Variants in FCHO1 observed in about 807,000 individuals in gnomAD.
The protein encoded by FCHO1 is F-BAR domain only protein 1.
In FCHO1, 45 loss-of-function variants were observed where a neutral mutation model predicts 114.4. That is an observed-to-expected ratio of 0.39 (90% confidence interval 0.31 to 0.50). FCHO1 has a LOEUF of 0.50. Ranked by LOEUF, FCHO1 falls within the 20% of genes least tolerant of loss-of-function variation. FCHO1 has a pLI of 0.77. For missense variants in FCHO1, 1,042 were observed against 1,209.6 expected, an observed-to-expected ratio of 0.86 and a Z score of 2.06; for synonymous variants, 480 against 488.9, an observed-to-expected ratio of 0.98 and a Z score of 0.24.
intron 4 of FCHO1, among the ~76,000 whole-genome samples, chr19:17,759,543 T>C (rs1231055892): frequency 1.3e-5 from 2 of 151,894 alleles, no homozygotes; most frequent in African/African-American, 2.4e-5. Context: ...TTTAAAGTTG[T>C]AATGGTGAGT....
At chr19:17,785,136 C>T (rs2093759062) in intron 26 of FCHO1, among the ~76,000 whole-genome samples, 1 of 152,148 alleles carries the variant, frequency 6.6e-6, no homozygotes, top group African/African-American at 2.4e-5. Context: ...GGGAGGATCA[C>T]TTAAGGCCAG....
intron 6 of FCHO1, among the ~76,000 whole-genome samples, chr19:17,764,901 C>T (rs1364239620): frequency 6.6e-6 from 1 of 151,704 alleles, no homozygotes; most frequent in East Asian, 1.9e-4. Flanking sequence ...CTCCTCTCTA[C>T]TAAAAATACA....
chr19:17,767,497 G>A lies in FCHO1; in HGVS notation c.336+687G>A, dbSNP rs1398511791. ...TGGGAGGATCACTTGAGCATGGGAG[G>A]TCGAGGCTGCAGTGAGCCATGATCA... On this transcript the variant is annotated intron_variant, in intron 7 of 28. Transcript: ENST00000596536. 1.4e-4 allele frequency among the ~76,000 whole-genome samples: 20 copies of A among 146,034 alleles called. No homozygotes were observed. The Admixed American group carries it at 1.4e-3, about 10-fold the overall frequency.
chr19:17,752,602 T>G (rs1457695238), intron 1 of FCHO1, among the ~76,000 whole-genome samples: 1 of 151,644 alleles, frequency 6.6e-6, no homozygotes, highest in Non-Finnish European at 1.5e-5. Flanking sequence ...ATACAAAAAT[T>G]AATACAAAAA....
At chr19:17,765,928 G>A (rs1173310365) in intron 6 of FCHO1, among the ~76,000 whole-genome samples, 7 of 115,680 alleles carry the variant, frequency 6.1e-5, no homozygotes, top group African/African-American at 1.0e-4. Flanking sequence ...TCACTCTGTC[G>A]CCCAGGCTGG....
chr19:17,779,028 A>G, intron 20 of FCHO1, 144 bp downstream of exon 20: 2 of 897,848 alleles, frequency 2.2e-6, no homozygotes, highest in East Asian at 5.6e-5. Flanking sequence ...AGGGACAACA[A>G]TGAGATGGAC....
intron 4 of FCHO1, among the ~76,000 whole-genome samples, chr19:17,760,654 C>T (rs2085754079): frequency 6.6e-6 from 1 of 152,072 alleles, no homozygotes; most frequent in Non-Finnish European, 1.5e-5. Context: ...GATTATCTTG[C>T]TGCTTGTATC....
chr19:17,766,986 T>TG (rs1210675655), intron 7 of FCHO1, among the ~76,000 whole-genome samples, 176 bp downstream of exon 7: 1 of 152,054 alleles, frequency 6.6e-6, no homozygotes, highest in Non-Finnish European at 1.5e-5. Flanking sequence ...ATTTCAAACT[T>TG]GCAAAATTCC....
chr19:17,771,358 T>TA (rs1269242537), intron 9 of FCHO1, among the ~76,000 whole-genome samples: 2,590 of 112,546 alleles, frequency 0.023, 43 homozygotes, highest in South Asian at 0.082. Context: ...CAGGTGTATA[T>TA]AAAAAAAAAA....
Position 17,775,314 on chromosome 19 carries a change from C to A in FCHO1, c.946-142C>A. 3 of 912,442 alleles carry A rather than the reference C, an allele frequency of 3.3e-6. No individual in the cohort carries two copies. The highest frequency in any genetic ancestry group is 1.4e-5 in the South Asian group (1 of 70,802). The allele number at this position is 912,442 out of a possible 1,614,324, so 56.5% of individuals were successfully genotyped here. On this transcript the variant is annotated intron_variant, in intron 14 of 28. Coordinates refer to ENST00000596536, the MANE Select transcript of FCHO1 (RefSeq NM_015122.3). The surrounding 1 kb of genome is among the most constrained non-coding windows in gnomAD (Gnocchi z 5.1). ...TGTCCCAGGAACCTGCCCACACACC[C>A]AGGGAAGACAGTCGTTGCCATCAGG...
chr19:17,782,158 T>A (rs2093481844), intron 23 of FCHO1, among the ~76,000 whole-genome samples: 1 of 151,736 alleles, frequency 6.6e-6, no homozygotes, highest in Non-Finnish European at 1.5e-5. Flanking sequence ...TACAGATGCG[T>A]GCCACTGCAC....
chr19:17,769,566 G>A (rs1034093867), intron 7 of FCHO1, among the ~76,000 whole-genome samples: 3 of 148,896 alleles, frequency 2.0e-5, no homozygotes, highest in Non-Finnish European at 4.4e-5. Flanking sequence ...GTGACACAGC[G>A]AGACTTCGTC....
At chr19:17,786,388 G>C (rs190344942) in intron 26 of FCHO1, among the ~76,000 whole-genome samples, 186 bp from the exon 27 acceptor site, 6 of 152,084 alleles carry the variant, frequency 3.9e-5, no homozygotes, top group African/African-American at 1.4e-4. Flanking sequence ...ACACACAGAA[G>C]TGTTGCAAGG....
chr19:17,768,157 C>A (rs73518390), intron 7 of FCHO1, among the ~76,000 whole-genome samples: 66,257 of 152,014 alleles, frequency 0.44, 15,367 homozygotes, highest in East Asian at 0.71. Context: ...CAATCTCCAT[C>A]TCTTGGGTTC....
At chr19:17,779,962 G>T (rs1209164395) in intron 20 of FCHO1, among the ~76,000 whole-genome samples, 2 of 151,848 alleles carry the variant, frequency 1.3e-5, no homozygotes, top group Non-Finnish European at 2.9e-5. Flanking sequence ...TGGGGGGAGA[G>T]CGGCGGGATG....
rs922786448 is a variant in FCHO1 at position 17,775,372 on chromosome 19, G to A, written c.946-84G>A. ...TTGAGGTCTGAGTCAAGGCCTGGGGGCAGGGCGGGGGGCGGTTGGCAGGGT... is the reference window on the plus strand; with the variant it reads ...TTGAGGTCTGAGTCAAGGCCTGGGGACAGGGCGGGGGGCGGTTGGCAGGGT... On this transcript the variant is annotated intron_variant, in intron 14 of 28. Coordinates refer to ENST00000596536, the MANE Select transcript of FCHO1 (RefSeq NM_015122.3). This position sits in a 1 kb window ranked among gnomAD's most constrained non-coding sequence, Gnocchi z 5.1. 1.4e-6 allele frequency: 2 copies of A among 1,387,074 alleles called. No homozygotes were observed. Among genetic ancestry groups the A allele is most frequent in the South Asian group, 1.2e-5 (1 of 86,372 alleles). The allele number at this position is 1,387,074 out of a possible 1,614,324, so 85.9% of individuals were successfully genotyped here.
In FCHO1 at chr19:17,781,455, C is replaced by G. The variant is rs768328075; in HGVS notation, c.1744C>G (p.Arg582Gly). The G allele has an allele frequency of 3.1e-6, 5 of 1,614,076 alleles. No individual in the cohort carries two copies. Among genetic ancestry groups the G allele is most frequent in the Non-Finnish European group, 3.4e-6 (4 of 1,179,976 alleles). Residue 582 changes from arginine to glycine, a missense_variant, in exon 22 of 29, where the codon CGT (arginine) becomes GGT (glycine). Coordinates refer to ENST00000596536, the MANE Select transcript of FCHO1 (RefSeq NM_015122.3). Reference sequence around the variant, plus strand: ...AGATTGTCTCTTTCCCTTCCAGTCTCGTTCCCTGAGCCCCTCCCCACTGGG... The same window carrying G: ...AGATTGTCTCTTTCCCTTCCAGTCTGGTTCCCTGAGCCCCTCCCCACTGGG... ...PLTRSNGDLSRSLSPSPLGSS... is the reference protein window; with the variant it reads ...PLTRSNGDLSGSLSPSPLGSS...
rs34490038 is a variant in FCHO1 at position 17,769,274 on chromosome 19, C to CAAAAAAAAAAA, written c.337-1141_337-1131dup. On this transcript the variant is annotated intron_variant, in intron 7 of 28. Coordinates refer to ENST00000596536, the MANE Select transcript of FCHO1 (RefSeq NM_015122.3). ...TGGGTGAAAGAGCAAGACTCCGCCTCAAAAAAAAAAAAAAAAAAAAGGCCT... is the reference window on the plus strand; with the variant it reads ...TGGGTGAAAGAGCAAGACTCCGCCTCAAAAAAAAAAAAAAAAAAAAAAAAAAAAAAAGGCCT... Among the ~76,000 whole-genome samples the CAAAAAAAAAAA allele has an allele frequency of 2.9e-4, 15 of 51,812 alleles. 1 individual carries two copies. Among genetic ancestry groups the CAAAAAAAAAAA allele is most frequent in the African/African-American group, 1.3e-3 (14 of 11,038 alleles). 34.0% of individuals were successfully genotyped at this position (51,812 alleles called of 152,430 possible). A position where few individuals can be genotyped will look rare whatever the true frequency, so the allele number is the denominator to read the frequency against.
rs78954065 is a variant in FCHO1, at chr19:17,754,667, A to G, written c.-62A>G. 0.075 allele frequency: 12,295 copies of G among 162,922 alleles called. 604 individuals carry two copies. Among genetic ancestry groups the G allele is most frequent in the Middle Eastern group, 0.12 (38 of 322 alleles). 10.1% of individuals were successfully genotyped at this position (162,922 alleles called of 1,614,324 possible). A position where few individuals can be genotyped will look rare whatever the true frequency, so the allele number is the denominator to read the frequency against. On this transcript the variant is annotated 5_prime_UTR_variant, in exon 3 of 29. Coordinates refer to ENST00000596536, the MANE Select transcript of FCHO1 (RefSeq NM_015122.3). ...GAGTGCAAATCTACTGTCCCTTCCT[A>G]GCTGTGTGATCTTGGCAAGTGACTT...
Sources: gnomAD v4.1 joint callset for allele counts (sites outside exome capture counted in the v4.1 genomes callset) on GRCh38, gnomAD v4.1.1 for gene constraint, Gnocchi (gnomAD v3.1) non-coding constraint, MANE v1.5 for transcripts, NCBI Gene and HGNC (gene_info 2026-07-23, HGNC 2026-07-21) for gene names.